The following CLVS1 variants were observed in gnomAD, a reference collection of about 807,000 sequenced individuals.
CLVS1 encodes clavesin 1.
Under a neutral mutation model 33.1 loss-of-function variants are expected in CLVS1, and 10 were observed. The ratio of observed to expected loss-of-function variants is 0.30; its 90% CI spans 0.19 to 0.51. The LOEUF (loss-of-function observed/expected upper bound fraction) is 0.51, where lower values mean the gene tolerates loss of function less well. CLVS1 is among the 20% of genes least tolerant of loss of function. The pLI, the probability that CLVS1 is intolerant of heterozygous loss-of-function variation, is 0.97. For missense variants in CLVS1, 343 were observed against 433.4 expected, an observed-to-expected ratio of 0.79 and a Z score of 1.85; for synonymous variants, 163 against 166.1, an observed-to-expected ratio of 0.98 and a Z score of 0.14.
intron 2 of CLVS1, among the ~76,000 whole-genome samples, chr8:61,220,770 T>C (rs544799378): frequency 1.9e-4 from 29 of 152,336 alleles, no homozygotes; most frequent in Non-Finnish European, 4.1e-4. Flanking sequence ...ATTTTCATGA[T>C]ATTGATTCTT....
chr8:61,337,864 C>T (rs183263365), intron 2 of CLVS1, among the ~76,000 whole-genome samples: 3 of 152,314 alleles, frequency 2.0e-5, no homozygotes, highest in Admixed American at 6.5e-5. Flanking sequence ...GACTAGAAAA[C>T]ATCTTCTTTA....
intron 1 of CLVS1, among the ~76,000 whole-genome samples, chr8:61,064,381 A>T (rs929489414): frequency 1.3e-5 from 2 of 152,116 alleles, no homozygotes; most frequent in African/African-American, 4.8e-5. Flanking sequence ...TTGCCTACAC[A>T]TTTTGATTCT....
intron 1 of CLVS1, among the ~76,000 whole-genome samples, chr8:61,068,549 C>A (rs1384437193): frequency 6.6e-6 from 1 of 152,068 alleles, no homozygotes; most frequent in Non-Finnish European, 1.5e-5. Flanking sequence ...TCCCCCGACT[C>A]CTCTCAAGAC....
At chr8:61,225,590 A>G (rs1327779708) in intron 2 of CLVS1, among the ~76,000 whole-genome samples, 1 of 152,232 alleles carries the variant, frequency 6.6e-6, no homozygotes, top group East Asian at 1.9e-4. Context: ...AATTCATATC[A>G]TAGTTACCTT....
intron 5 of CLVS1, among the ~76,000 whole-genome samples, chr8:61,484,869 G>A (rs1456706865): frequency 6.6e-6 from 1 of 152,156 alleles, no homozygotes; most frequent in Non-Finnish European, 1.5e-5. Flanking sequence ...AATAAATGGT[G>A]CTGGGAAAAC....
chr8:61,392,835 T>C (rs1190361806), intron 3 of CLVS1, among the ~76,000 whole-genome samples: 1 of 146,090 alleles, frequency 6.8e-6, no homozygotes. Context: ...AGAGCAAGAC[T>C]CTGTCTCAAA....
chr8:61,455,034 T>TC (rs1458354976), intron 4 of CLVS1, among the ~76,000 whole-genome samples: 1 of 152,212 alleles, frequency 6.6e-6, no homozygotes, highest in Non-Finnish European at 1.5e-5. Flanking sequence ...TTTCTTTTTT[T>TC]CCCAGTGTTA....
chr8:61,496,057 A>G (rs1804255566), intron 5 of CLVS1, among the ~76,000 whole-genome samples: 2 of 152,210 alleles, frequency 1.3e-5, no homozygotes, highest in Admixed American at 6.5e-5. Flanking sequence ...AGAATTTTCT[A>G]GCTGAGTTGA....
chr8:61,394,015 C>A (rs552239804), intron 3 of CLVS1, among the ~76,000 whole-genome samples: 1 of 152,180 alleles, frequency 6.6e-6, no homozygotes, highest in Non-Finnish European at 1.5e-5. Flanking sequence ...GCCAATCACC[C>A]TACCCTTTTA....
chr8:61,184,992 A>G (rs1016505069), intron 2 of CLVS1, among the ~76,000 whole-genome samples: 1 of 152,218 alleles, frequency 6.6e-6, no homozygotes, highest in Non-Finnish European at 1.5e-5. Context: ...GTGTATATTT[A>G]TGTTTACATG....
intron 2 of CLVS1, among the ~76,000 whole-genome samples, chr8:61,239,897 G>T (rs898298871): frequency 6.6e-6 from 1 of 152,086 alleles, no homozygotes; most frequent in East Asian, 1.9e-4. Flanking sequence ...AATAAAGGCC[G>T]TGAGACTCAG....
intron 1 of CLVS1, among the ~76,000 whole-genome samples, chr8:61,289,897 T>C (rs551474624): frequency 1.3e-5 from 2 of 152,364 alleles, no homozygotes; most frequent in East Asian, 3.9e-4. Flanking sequence ...TAAAATTCAT[T>C]CACTTTTGGA....
chr8:61,184,674 C>T (rs188709880), intron 2 of CLVS1, among the ~76,000 whole-genome samples: 85 of 152,158 alleles, frequency 5.6e-4, no homozygotes, highest in Non-Finnish European at 9.3e-4. Context: ...TCCCTGCACC[C>T]CACCATCCCA....
intron 3 of CLVS1, among the ~76,000 whole-genome samples, chr8:61,412,318 A>T (rs190211186): frequency 6.5e-4 from 99 of 152,380 alleles, no homozygotes; most frequent in African/African-American, 2.3e-3. Context: ...ACACAGGGAC[A>T]GGACCAAATC....
intron 2 of CLVS1, among the ~76,000 whole-genome samples, chr8:61,246,422 G>A (rs1022899927): frequency 5.3e-5 from 8 of 150,290 alleles, no homozygotes; most frequent in African/African-American, 9.8e-5. Flanking sequence ...CACCTGCCTC[G>A]GCCTCCCAAA....
At chr8:61,181,946 C>A (rs1488668906) in intron 2 of CLVS1, among the ~76,000 whole-genome samples, 1 of 152,070 alleles carries the variant, frequency 6.6e-6, no homozygotes, top group Non-Finnish European at 1.5e-5. Flanking sequence ...CGTGATCCAC[C>A]CGCCTCAGCC....
chr8:61,260,561 C>G (rs1809181923), intron 2 of CLVS1, among the ~76,000 whole-genome samples: 3 of 152,140 alleles, frequency 2.0e-5, no homozygotes. Context: ...ATTTCTTTCT[C>G]TAACACTCTG....
At chr8:61,421,508 C>T (rs1252482763) in intron 3 of CLVS1, among the ~76,000 whole-genome samples, 1 of 152,178 alleles carries the variant, frequency 6.6e-6, no homozygotes, top group Non-Finnish European at 1.5e-5. Flanking sequence ...CCCTATCACT[C>T]CTGAGCTGAA....
chr8:61,374,214 C>G (rs1275722684), intron 2 of CLVS1, among the ~76,000 whole-genome samples: 1 of 152,222 alleles, frequency 6.6e-6, no homozygotes, highest in Non-Finnish European at 1.5e-5. Context: ...GTAATGCAAT[C>G]TGTCATACCC....
Sources: gnomAD v4.1 joint callset for allele counts (sites outside exome capture counted in the v4.1 genomes callset) on GRCh38, gnomAD v4.1.1 for gene constraint, MANE v1.5 for transcripts, NCBI Gene and HGNC (gene_info 2026-07-23, HGNC 2026-07-21) for gene names.